CLDN14: variants seen among roughly 807,000 people sequenced by gnomAD.
CLDN14 encodes the protein claudin 14.
In CLDN14, 2 loss-of-function variants were observed where a neutral mutation model predicts 2.1. The ratio of observed to expected loss-of-function variants is 0.96; its 90% CI spans 0.39 to 3.01. CLDN14 has a LOEUF of 3.01. Among genes scored for constraint, CLDN14 ranks in the 30% most tolerant of loss-of-function variants. The probability of loss-of-function intolerance (pLI) is 0.09; values close to 1 mark genes in which losing one functional copy is unlikely to be tolerated. For missense variants in CLDN14, 298 were observed against 328.0 expected, an observed-to-expected ratio of 0.91 and a Z score of 0.71; for synonymous variants, 136 against 154.4, an observed-to-expected ratio of 0.88 and a Z score of 0.88.
chr21:36,463,497 A>C lies in CLDN14; in HGVS notation c.-81-1721T>G, dbSNP rs1317652813. Among the ~76,000 whole-genome samples the C allele has an allele frequency of 2.0e-5, 3 of 152,330 alleles. No homozygotes were observed. The East Asian group carries it at 5.8e-4, about 29-fold the overall frequency. Reference sequence around the variant, plus strand: ...GAGGCTAAGGCGGGTGGATCGCTTAAGGTCAGGAGTTTGAGACCAGCCTGG... The same window carrying C: ...GAGGCTAAGGCGGGTGGATCGCTTACGGTCAGGAGTTTGAGACCAGCCTGG... On this transcript the variant is annotated intron_variant, in intron 1 of 1. Coordinates refer to ENST00000399135, the MANE Select transcript of CLDN14 (RefSeq NM_001146079.2).
rs775431075 is a variant in CLDN14, at chr21:36,523,746, TA to T, written c.-219-13247del. Reference sequence around the variant, plus strand: ...CTGGGTGACAGAGTGAGACTCCATCTAAAAAAAAAAAAAAAAGAAAGAAAGA... The same window carrying T: ...CTGGGTGACAGAGTGAGACTCCATCTAAAAAAAAAAAAAAAGAAAGAAAGA... On this transcript the variant is annotated intron_variant, in intron 1 of 2. Transcript: ENST00000342108. Among the ~76,000 whole-genome samples, 125 of 42,954 alleles carry T rather than the reference TA, an allele frequency of 2.9e-3. 2 individuals are homozygous for T. The highest frequency in any genetic ancestry group is 9.4e-3 in the African/African-American group (95 of 10,080). 28.2% of individuals were successfully genotyped at this position (42,954 alleles called of 152,430 possible). A position where few individuals can be genotyped will look rare whatever the true frequency, so the allele number is the denominator to read the frequency against.
intron 2 of CLDN14, chr21:36,485,876 A>C: frequency 1.8e-6 from 1 of 568,848 alleles, no homozygotes. Flanking sequence ...TTATGTTGCC[A>C]AGCTTTATTT....
chr21:36,535,210 C>T lies in CLDN14; in HGVS notation c.-219-24710G>A, dbSNP rs769381991. 5.5e-4 allele frequency among the ~76,000 whole-genome samples: 83 copies of T among 152,044 alleles called. 1 individual carries two copies. Among genetic ancestry groups the T allele is most frequent in the Non-Finnish European group, 5.7e-4 (39 of 67,958 alleles). ...TTTGAGACCAGTCTGGACAACATGGCGAAACGCTGTCTCTACTAAAAATAC... is the reference window on the plus strand; with the variant it reads ...TTTGAGACCAGTCTGGACAACATGGTGAAACGCTGTCTCTACTAAAAATAC... On this transcript the variant is annotated intron_variant, in intron 1 of 2. Coordinates refer to the CLDN14 transcript ENST00000342108.
At chr21:36,485,598 C>A (rs1316815125) in intron 2 of CLDN14, among the ~76,000 whole-genome samples, 1 of 152,216 alleles carries the variant, frequency 6.6e-6, no homozygotes, top group East Asian at 1.9e-4. Context: ...AGATGTTGCA[C>A]TAGTGATCGC....
At chr21:36,571,214 A>G (rs2087708196) in intron 1 of CLDN14, among the ~76,000 whole-genome samples, 1 of 152,250 alleles carries the variant, frequency 6.6e-6, no homozygotes, top group Non-Finnish European at 1.5e-5. Context: ...TTGTGATATT[A>G]CTGGCTTAGA....
intron 1 of CLDN14, among the ~76,000 whole-genome samples, chr21:36,527,571 A>T (rs2087343667): frequency 6.6e-6 from 1 of 152,184 alleles, no homozygotes; most frequent in African/African-American, 2.4e-5. Context: ...TTTCCCGTCG[A>T]TTACTCACCA....
At position 36,573,300 on chromosome 21, in the gene CLDN14, CAAAAA is replaced by C. The variant is rs373406611; in HGVS notation, c.-220+3106_-220+3110del. Among the ~76,000 whole-genome samples, 5 of 109,142 alleles carry C rather than the reference CAAAAA, an allele frequency of 4.6e-5. No homozygotes were observed. In the Admixed American group the frequency reaches 4.9e-4, roughly 11 times the overall value. 71.6% of individuals were successfully genotyped at this position (109,142 alleles called of 152,430 possible). On this transcript the variant is annotated intron_variant, in intron 1 of 2. Transcript: ENST00000342108. ...TGGGTGACAGAGCAAGACTCTGTCT[CAAAAA>C]AAAAAAAAAAAGAATTGGAGGGAAA...
At chr21:36,465,331 T>C (rs1334454047) in intron 1 of CLDN14, among the ~76,000 whole-genome samples, 1 of 152,202 alleles carries the variant, frequency 6.6e-6, no homozygotes, top group East Asian at 1.9e-4. Context: ...CAGAGGTTTA[T>C]TGGAGGTCTA....
chr21:36,576,256 C>T (rs1205600454), intron 1 of CLDN14, among the ~76,000 whole-genome samples: 1 of 152,190 alleles, frequency 6.6e-6, no homozygotes, highest in African/African-American at 2.4e-5. Context: ...TCTTTCCTTA[C>T]TTCCATCTTT....
chr21:36,560,516 T>C (rs761701017), intron 1 of CLDN14, among the ~76,000 whole-genome samples: 1 of 152,208 alleles, frequency 6.6e-6, no homozygotes, highest in Non-Finnish European at 1.5e-5. Flanking sequence ...GTGATTTTTA[T>C]CTTTTATTCT....
chr21:36,501,962 G>T (rs1282963892), intron 2 of CLDN14, among the ~76,000 whole-genome samples: 1 of 151,310 alleles, frequency 6.6e-6, no homozygotes, highest in African/African-American at 2.4e-5. Context: ...GAACCCAAAA[G>T]GCGTTAAGCT....
At chr21:36,464,489 C>T (rs983086493) in intron 1 of CLDN14, among the ~76,000 whole-genome samples, 4 of 152,236 alleles carry the variant, frequency 2.6e-5, no homozygotes, top group Non-Finnish European at 5.9e-5. Flanking sequence ...CCTCTCTTCC[C>T]TCCACTCAGC....
rs997997355 is a variant in CLDN14 at position 36,554,979 on chromosome 21, C to T, written c.-220+21432G>A. ...TGCTTCCTCAATCATTGAGCATCTT[C>T]AACACACTGCAGGGTCCCCTGAGAG... On this transcript the variant is annotated intron_variant, in intron 1 of 2. Transcript: ENST00000342108. Among the ~76,000 whole-genome samples the T allele has an allele frequency of 2.0e-5, 3 of 152,206 alleles. No individual in the cohort carries two copies. The East Asian group carries it at 5.8e-4, about 29-fold the overall frequency.
intron 2 of CLDN14, among the ~76,000 whole-genome samples, chr21:36,490,273 G>A (rs997022100): frequency 1.2e-4 from 19 of 152,096 alleles, no homozygotes; most frequent in Non-Finnish European, 2.6e-4. Flanking sequence ...GCTCGACCGT[G>A]GGTCACCGCA....
chr21:36,471,222 T>A (rs35303583), intron 1 of CLDN14, among the ~76,000 whole-genome samples: 59,820 of 151,438 alleles, frequency 0.4, 13,244 homozygotes, highest in African/African-American at 0.62. Context: ...CAAACAAACA[T>A]AAAAACAAAA....
chr21:36,467,058 G>C (rs1449897814), intron 1 of CLDN14, among the ~76,000 whole-genome samples: 1 of 152,174 alleles, frequency 6.6e-6, no homozygotes, highest in Non-Finnish European at 1.5e-5. Context: ...ATCTGTGAAA[G>C]GCAATTGTGA....
At chr21:36,552,536 C>T (rs1362790660) in intron 1 of CLDN14, among the ~76,000 whole-genome samples, 2 of 152,182 alleles carry the variant, frequency 1.3e-5, no homozygotes, top group Non-Finnish European at 2.9e-5. Flanking sequence ...GCCCAGAATG[C>T]TTTCAGTTTG....
At chr21:36,488,249 C>CCTTCCTTCCTTCCTTCCTTT (rs1568854864) in intron 2 of CLDN14, among the ~76,000 whole-genome samples, 1 of 148,474 alleles carries the variant, frequency 6.7e-6, no homozygotes, top group African/African-American at 2.5e-5. Context: ...TTCCTTCCTT[C>CCTTCCTTCCTTCCTTCCTTT]CTTCCTTCCT....
At chr21:36,545,034 C>T (rs1024095694) in intron 1 of CLDN14, among the ~76,000 whole-genome samples, 26 of 152,230 alleles carry the variant, frequency 1.7e-4, no homozygotes, top group Middle Eastern at 6.8e-3. Context: ...AAAAATAAAC[C>T]GCTGTTCAGC....
Sources: gnomAD v4.1 joint callset for allele counts (sites outside exome capture counted in the v4.1 genomes callset) on GRCh38, gnomAD v4.1.1 for gene constraint, MANE v1.5 for transcripts, NCBI Gene and HGNC (gene_info 2026-07-23, HGNC 2026-07-21) for gene names.